Variants in CALN1 observed in about 807,000 individuals in gnomAD.
The protein encoded by CALN1 is calneuron 1.
Under a neutral mutation model 30.6 loss-of-function variants are expected in CALN1, and 17 were observed. That is an observed-to-expected ratio of 0.56 (90% CI 0.38 to 0.83). The LOEUF (loss-of-function observed/expected upper bound fraction) is 0.83, where lower values mean the gene tolerates loss of function less well. Among genes scored for constraint, CALN1 ranks in the 40% least tolerant of loss-of-function variants. The probability of loss-of-function intolerance (pLI) is 0.00; values close to 1 mark genes in which losing one functional copy is unlikely to be tolerated. For synonymous variants in CALN1, 156 were observed against 131.4 expected (o/e 1.19, Z -1.28); for missense variants, 291 against 354.9 (o/e 0.82, Z 1.45).
At chr7:71,893,257 G>A (rs1366930424) in intron 5 of CALN1, among the ~76,000 whole-genome samples, 1 of 152,122 alleles carries the variant, frequency 6.6e-6, no homozygotes, top group Non-Finnish European at 1.5e-5. Flanking sequence ...TTAGTGGGTA[G>A]AGGCTATGGA....
upstream of CALN1, among the ~76,000 whole-genome samples, chr7:72,449,932 A>G (rs1808628196): frequency 6.7e-6 from 1 of 148,752 alleles, no homozygotes; most frequent in East Asian, 2.0e-4. Flanking sequence ...TAGGCTGGAC[A>G]CTGTGGCTCA....
At chr7:72,150,903 A>G (rs889419052) in intron 3 of CALN1, among the ~76,000 whole-genome samples, 7 of 151,856 alleles carry the variant, frequency 4.6e-5, no homozygotes, top group East Asian at 1.9e-4. Context: ...GATGATGATG[A>G]TGGTGACGAT....
At chr7:72,339,655 A>C (rs1802291531) in intron 2 of CALN1, among the ~76,000 whole-genome samples, 1 of 152,240 alleles carries the variant, frequency 6.6e-6, no homozygotes, top group Non-Finnish European at 1.5e-5. Flanking sequence ...CAAAGGAAAG[A>C]GGTTTAATGG....
intron 2 of CALN1, among the ~76,000 whole-genome samples, chr7:72,352,710 T>TAAG (rs1238527166): frequency 6.6e-6 from 1 of 152,006 alleles, no homozygotes; most frequent in Non-Finnish European, 1.5e-5. Flanking sequence ...TTAAAGCCAA[T>TAAG]GTTTTAAGAT....
intron 4 of CALN1, among the ~76,000 whole-genome samples, chr7:72,069,786 T>TAC (rs1309002948): frequency 6.6e-6 from 1 of 152,174 alleles, no homozygotes; most frequent in Non-Finnish European, 1.5e-5. Flanking sequence ...ACCATACCCC[T>TAC]ACCCAATCTC....
intron 3 of CALN1, among the ~76,000 whole-genome samples, chr7:72,138,624 C>T (rs769281885): frequency 9.2e-5 from 14 of 152,196 alleles, no homozygotes; most frequent in African/African-American, 3.4e-4. Flanking sequence ...GTTAGCTAAT[C>T]TTCAAAGAGG....
intron 4 of CALN1, among the ~76,000 whole-genome samples, chr7:72,026,912 T>C (rs1017838322): frequency 6.6e-6 from 1 of 152,138 alleles, no homozygotes; most frequent in South Asian, 2.1e-4. Context: ...ACGTCTTGGA[T>C]AGACATGCTT....
At chr7:72,219,059 CAACT>C (rs1263867319) in intron 3 of CALN1, among the ~76,000 whole-genome samples, 1 of 152,168 alleles carries the variant, frequency 6.6e-6, no homozygotes, top group Non-Finnish European at 1.5e-5. Context: ...TTGACTCTGA[CAACT>C]AACAACATGC....
chr7:72,140,541 T>G (rs765240478), intron 3 of CALN1, among the ~76,000 whole-genome samples: 1 of 152,170 alleles, frequency 6.6e-6, no homozygotes, highest in Non-Finnish European at 1.5e-5. Flanking sequence ...CTCCCTCCTA[T>G]CAAAGGAAGA....
At chr7:72,422,558 C>T (rs994425085) in intron 1 of CALN1, among the ~76,000 whole-genome samples, 1 of 152,182 alleles carries the variant, frequency 6.6e-6, no homozygotes, top group Admixed American at 6.6e-5. Flanking sequence ...CTCTAAGAAC[C>T]AGTTACAAAG....
At chr7:72,364,832 C>T (rs1021614696) in intron 2 of CALN1, among the ~76,000 whole-genome samples, 2 of 152,250 alleles carry the variant, frequency 1.3e-5, no homozygotes, top group African/African-American at 2.4e-5. Flanking sequence ...TATTAGTATT[C>T]GAGATCAGCC....
chr7:72,128,451 A>C (rs2129542667), intron 3 of CALN1, among the ~76,000 whole-genome samples: 1 of 152,374 alleles, frequency 6.6e-6, no homozygotes, highest in Admixed American at 6.5e-5. Flanking sequence ...TCAAAGATTA[A>C]GTATATTAAA....
chr7:72,034,061 T>A (rs191030503), intron 4 of CALN1, among the ~76,000 whole-genome samples: 58 of 151,992 alleles, frequency 3.8e-4, no homozygotes, highest in African/African-American at 1.4e-3. Flanking sequence ...TGAAACTAAT[T>A]AGGAACAACA....
chr7:72,312,395 A>G (rs527352488), intron 2 of CALN1, among the ~76,000 whole-genome samples: 58 of 86,100 alleles, frequency 6.7e-4, no homozygotes, highest in Middle Eastern at 4.7e-3. Context: ...TTCATCTCAG[A>G]AAAAAAAAAA....
At position 72,264,990 on chromosome 7, in the gene CALN1, AT is replaced by A. The variant is rs373017882; in HGVS notation, c.244+13695del. ...GCTAAGGATAATGGCCTTCAGCTCC[AT>A]CCATGTACCTGCTAATTTTTGTAGT... On this transcript the variant is annotated intron_variant, in intron 3 of 6. Coordinates refer to ENST00000395275, the MANE Select transcript of CALN1 (RefSeq NM_031468.4). Among the ~76,000 whole-genome samples, 382 of 152,192 alleles carry A rather than the reference AT, an allele frequency of 2.5e-3. 3 individuals are homozygous for A. Among genetic ancestry groups the A allele is most frequent in the Middle Eastern group, 0.017 (5 of 294 alleles).
At chr7:72,008,675 T>G (rs1014205568) in intron 5 of CALN1, among the ~76,000 whole-genome samples, 1 of 148,916 alleles carries the variant, frequency 6.7e-6, no homozygotes, top group Non-Finnish European at 1.5e-5. Context: ...TTTTTTTTTT[T>G]GAGACAGTTT....
rs560938312 is a variant in CALN1 at position 71,972,017 on chromosome 7, A to C, written c.501+51640T>G. Among the ~76,000 whole-genome samples, 636 of 121,408 alleles carry C rather than the reference A, an allele frequency of 5.2e-3. 9 individuals carry two copies. The highest frequency in any genetic ancestry group is 0.022 in the African/African-American group (613 of 28,114). The allele number at this position is 121,408 out of a possible 152,430, so 79.6% of individuals were successfully genotyped here. On this transcript the variant is annotated intron_variant, in intron 5 of 6. Coordinates refer to ENST00000395275, the MANE Select transcript of CALN1 (RefSeq NM_031468.4). ...AGAGAAAGAAAGAAAAAAAGAAAGA[A>C]AAGAAAGAAAGAAAGAAAGACACAC...
chr7:72,466,345 C>T, the CALN1 span, among the ~76,000 whole-genome samples: 12 of 152,136 alleles, frequency 7.9e-5, no homozygotes, highest in African/African-American at 2.9e-4. Context: ...GCACCCAAGA[C>T]AACTGTGGCA....
chr7:71,849,009 G>A (rs573892596), intron 5 of CALN1, among the ~76,000 whole-genome samples: 136 of 152,244 alleles, frequency 8.9e-4, no homozygotes, highest in African/African-American at 3.1e-3. Flanking sequence ...TTCCCCATGT[G>A]AGGGTTTTTA....
Sources: gnomAD v4.1 joint callset for allele counts (sites outside exome capture counted in the v4.1 genomes callset) on GRCh38, gnomAD v4.1.1 for gene constraint, MANE v1.5 for transcripts, NCBI Gene and HGNC (gene_info 2026-07-23, HGNC 2026-07-21) for gene names.